The following ANXA8 variants were observed in gnomAD, a reference collection of about 807,000 sequenced individuals.
ANXA8 encodes the protein annexin A8, also known as VAC-beta.
ANXA8 carries 9 observed loss-of-function variants against 26.8 expected under a neutral mutation model. The observed-to-expected ratio is 0.34, with a 90% confidence interval of 0.20 to 0.59. The LOEUF (loss-of-function observed/expected upper bound fraction) is 0.59, where lower values mean the gene tolerates loss of function less well. Among genes scored for constraint, ANXA8 ranks in the 20% least tolerant of loss-of-function variants. ANXA8 has a pLI of 0.84. For synonymous variants in ANXA8, 39 were observed against 94.8 expected (o/e 0.41, Z 3.42); for missense variants, 83 against 238.5 (o/e 0.35, Z 4.29).
chr10:47,609,094 A>C, the ANXA8 span, among the ~76,000 whole-genome samples: 1 of 128,836 alleles, frequency 7.8e-6, no homozygotes, highest in Non-Finnish European at 1.6e-5. Flanking sequence ...TTGTAGGAAA[A>C]AATGTAAAAT....
chr10:47,477,257 C>G (rs1203224865), intron 3 of ANXA8, 63 bp from the exon 4 acceptor site: 1 of 1,587,636 alleles, frequency 6.3e-7, no homozygotes, highest in African/African-American at 1.3e-5. Context: ...GTGCAGGCAG[C>G]GGAGTGGTGG....
the ANXA8 span, among the ~76,000 whole-genome samples, chr10:47,672,644 C>A: frequency 6.6e-6 from 1 of 151,772 alleles, no homozygotes; most frequent in East Asian, 1.9e-4. Flanking sequence ...GAAATGAGGA[C>A]AATGGAAGAA....
At chr10:47,942,465 T>C in the ANXA8 span, among the ~76,000 whole-genome samples, 1 of 141,512 alleles carries the variant, frequency 7.1e-6, no homozygotes, top group African/African-American at 2.8e-5. Flanking sequence ...GATGGCATTC[T>C]GTCTGGTGAC....
chr10:47,591,239 C>G, the ANXA8 span, among the ~76,000 whole-genome samples: 1 of 145,302 alleles, frequency 6.9e-6, no homozygotes, highest in Non-Finnish European at 1.5e-5. Context: ...GCCTTCCCAC[C>G]TCCATCAGCA....
At chr10:47,511,231 C>G in the ANXA8 span, among the ~76,000 whole-genome samples, 2 of 141,384 alleles carry the variant, frequency 1.4e-5, no homozygotes. Context: ...GCGTGAGCCA[C>G]GGCGCCCAGT....
chr10:47,624,242 CAAAAAAAAAAA>C, the ANXA8 span, among the ~76,000 whole-genome samples: 1 of 29,224 alleles, frequency 3.4e-5, no homozygotes, highest in Non-Finnish European at 6.3e-5. Context: ...GACTCCATCT[CAAAAAAAAAAA>C]AAAAAAAAAA....
At chr10:47,639,040 C>T in the ANXA8 span, among the ~76,000 whole-genome samples, 1 of 150,412 alleles carries the variant, frequency 6.6e-6, no homozygotes, top group African/African-American at 2.5e-5. Flanking sequence ...AATTAAAACA[C>T]TTGGGGTATA....
At chr10:47,639,311 A>AT in the ANXA8 span, among the ~76,000 whole-genome samples, 67 of 59,546 alleles carry the variant, frequency 1.1e-3, no homozygotes, top group African/African-American at 1.7e-3. Flanking sequence ...TATTATTATT[A>AT]TTATTTTTTT....
chr10:47,498,321 G>C, the ANXA8 span, among the ~76,000 whole-genome samples: 1 of 146,346 alleles, frequency 6.8e-6, no homozygotes, highest in African/African-American at 2.5e-5. Context: ...GTTGTAGCAT[G>C]TGTTAGAATT....
the ANXA8 span, among the ~76,000 whole-genome samples, chr10:47,694,900 GT>G: frequency 6.6e-6 from 1 of 151,442 alleles, no homozygotes; most frequent in Non-Finnish European, 1.5e-5. Flanking sequence ...GGAAACCACA[GT>G]GTTTAAAGGA....
At chr10:47,513,091 A>G in the ANXA8 span, among the ~76,000 whole-genome samples, 2 of 144,720 alleles carry the variant, frequency 1.4e-5, no homozygotes, top group Admixed American at 1.4e-4. Flanking sequence ...GGAGTATGCA[A>G]TGCGGTGATC....
the ANXA8 span, among the ~76,000 whole-genome samples, chr10:47,604,934 A>C: frequency 6.6e-6 from 1 of 151,052 alleles, no homozygotes; most frequent in Non-Finnish European, 1.5e-5. Flanking sequence ...GTAGTCAATG[A>C]ATCCAGTTTT....
the ANXA8 span, among the ~76,000 whole-genome samples, chr10:47,497,351 C>T: frequency 7.2e-6 from 1 of 138,974 alleles, no homozygotes; most frequent in Admixed American, 7.4e-5. Flanking sequence ...CGCAATGGCT[C>T]ACACCTGTAA....
chr10:47,614,008 T>G, the ANXA8 span, among the ~76,000 whole-genome samples: 2 of 74,436 alleles, frequency 2.7e-5, 1 homozygote, highest in Non-Finnish European at 6.9e-5. Flanking sequence ...ACTTCTCTCA[T>G]GGCCTTTCAG....
chr10:47,648,463 C>G, the ANXA8 span, among the ~76,000 whole-genome samples: 10 of 149,842 alleles, frequency 6.7e-5, no homozygotes, highest in African/African-American at 2.3e-4. Context: ...AGCAGCATTT[C>G]AATCTTTTTT....
rs1229457962 is a variant in ANXA8 at position 47,473,967 on chromosome 10, T to A, written c.742+3A>T. On this transcript the variant is annotated splice_donor_region_variant and intron_variant, in intron 9 of 11. Coordinates refer to ENST00000585281, the MANE Select transcript of ANXA8 (RefSeq NM_001040084.3). ...TGAAAAACGTGCAAGTCTGAGCTCTTACCCACAGTGAGCATGGCCTCCTCC... is the reference window on the plus strand; with the variant it reads ...TGAAAAACGTGCAAGTCTGAGCTCTAACCCACAGTGAGCATGGCCTCCTCC... 2.0e-6 allele frequency: 1 copy of A among 494,220 alleles called. No individual in the cohort carries two copies. The allele number at this position is 494,220 out of a possible 1,614,324, so 30.6% of individuals were successfully genotyped here. A position where few individuals can be genotyped will look rare whatever the true frequency, so the allele number is the denominator to read the frequency against.
At chr10:47,664,236 G>C in the ANXA8 span, among the ~76,000 whole-genome samples, 1 of 151,922 alleles carries the variant, frequency 6.6e-6, no homozygotes, top group East Asian at 1.9e-4. Context: ...AAATGAGCCG[G>C]GCGTGGTGGC....
the ANXA8 span, among the ~76,000 whole-genome samples, chr10:47,500,437 C>T: frequency 2.1e-4 from 31 of 150,468 alleles, no homozygotes; most frequent in South Asian, 2.1e-3. Flanking sequence ...CTGGAACCAT[C>T]GGCAGCTGCC....
chr10:47,948,739 A>G, the ANXA8 span, among the ~76,000 whole-genome samples: 90 of 150,864 alleles, frequency 6.0e-4, no homozygotes, highest in Non-Finnish European at 5.5e-4. Flanking sequence ...GATGAAACAT[A>G]CAAAACCACC....
Sources: gnomAD v4.1 joint callset for allele counts (sites outside exome capture counted in the v4.1 genomes callset) on GRCh38, gnomAD v4.1.1 for gene constraint, MANE v1.5 for transcripts, NCBI Gene and HGNC (gene_info 2026-07-23, HGNC 2026-07-21) for gene names.